The following ARHGAP28 variants were observed in gnomAD, a reference collection of about 807,000 sequenced individuals.
ARHGAP28 encodes Rho GTPase activating protein 28.
In ARHGAP28, 56 loss-of-function variants were observed where a neutral mutation model predicts 90.7. The ratio of observed to expected loss-of-function variants is 0.62; its 90% CI spans 0.50 to 0.77. The LOEUF is 0.77. ARHGAP28 is among the 30% of genes least tolerant of loss of function. ARHGAP28 has a pLI of 0.00. For synonymous variants in ARHGAP28, 308 were observed against 323.3 expected, an observed-to-expected ratio of 0.95 and a Z score of 0.51; for missense variants, 869 against 900.9, an observed-to-expected ratio of 0.96 and a Z score of 0.45.
At chr18:6,801,701 G>C (rs2056483262) in intron 1 of ARHGAP28, among the ~76,000 whole-genome samples, 1 of 152,008 alleles carries the variant, frequency 6.6e-6, no homozygotes, top group African/African-American at 2.4e-5. Flanking sequence ...AATTTGTAAA[G>C]ATCAAGTCAG....
chr18:6,751,873 A>G (rs1199711053), intron 1 of ARHGAP28, among the ~76,000 whole-genome samples: 1 of 152,224 alleles, frequency 6.6e-6, no homozygotes, highest in African/African-American at 2.4e-5. Context: ...GGTTATAAAC[A>G]TAATTGGTGA....
chr18:6,821,003 A>G (rs2056623148), intron 1 of ARHGAP28, among the ~76,000 whole-genome samples: 1 of 152,202 alleles, frequency 6.6e-6, no homozygotes, highest in African/African-American at 2.4e-5. Context: ...AAGACCATGT[A>G]TTTAGTTTTT....
intron 1 of ARHGAP28, among the ~76,000 whole-genome samples, chr18:6,792,682 A>G (rs2056414850): frequency 6.6e-6 from 1 of 152,232 alleles, no homozygotes; most frequent in African/African-American, 2.4e-5. Flanking sequence ...TGGCTAAGCA[A>G]GAAATCGGGG....
chr18:6,883,604 A>T (rs1022152575), intron 11 of ARHGAP28, among the ~76,000 whole-genome samples: 25 of 152,318 alleles, frequency 1.6e-4, no homozygotes, highest in Admixed American at 1.1e-3. Context: ...CTGCCATTGT[A>T]CAACCTTCTC....
At position 6,761,075 on chromosome 18, in the gene ARHGAP28, A is replaced by G. The variant is rs530093739; in HGVS notation, c.122+31132A>G. Among the ~76,000 whole-genome samples, 5 of 152,106 alleles carry G rather than the reference A, an allele frequency of 3.3e-5. 1 individual carries two copies. The South Asian group carries it at 1.0e-3, about 32-fold the overall frequency. On this transcript the variant is annotated intron_variant, in intron 1 of 17. Coordinates refer to ENST00000383472, the MANE Select transcript of ARHGAP28 (RefSeq NM_001366230.1). ...ACATACACAAAACAGCATATATATT[A>G]TACGATTCCCTTTATATATTGTACA...
At chr18:6,904,923 A>G (rs976684582) in intron 16 of ARHGAP28, among the ~76,000 whole-genome samples, 9 of 152,198 alleles carry the variant, frequency 5.9e-5, no homozygotes, top group Non-Finnish European at 1.3e-4. Context: ...AATTGAATCT[A>G]TAATATTAAA....
In ARHGAP28 at chr18:6,795,482, G is replaced by A. The variant is rs1248830763; in HGVS notation, c.123-29280G>A. On this transcript the variant is annotated intron_variant, in intron 1 of 17. Coordinates refer to ENST00000383472, the MANE Select transcript of ARHGAP28 (RefSeq NM_001366230.1). ...ACACATTCTTTTGCTCTAGACCAGG[G>A]ATTGGCAAACTTTTTCTGTAAAAGA... Among the ~76,000 whole-genome samples, 4 of 152,178 alleles carry A rather than the reference G, an allele frequency of 2.6e-5. No individual in the cohort carries two copies. The East Asian group carries it at 7.7e-4, about 29-fold the overall frequency.
chr18:6,812,180 ATATTC>A (rs1271105996), intron 1 of ARHGAP28, among the ~76,000 whole-genome samples: 2 of 152,182 alleles, frequency 1.3e-5, no homozygotes, highest in African/African-American at 4.8e-5. Context: ...TGAAATATAG[ATATTC>A]TGGTAAGCAG....
At chr18:6,902,354 T>A (rs2057342655) in intron 16 of ARHGAP28, among the ~76,000 whole-genome samples, 1 of 152,200 alleles carries the variant, frequency 6.6e-6, no homozygotes, top group Admixed American at 6.5e-5. Context: ...GATCTGCCTA[T>A]ACCATTGTCA....
At chr18:6,864,484 ATGT>A (rs1413867237) in intron 5 of ARHGAP28, among the ~76,000 whole-genome samples, 1 of 152,176 alleles carries the variant, frequency 6.6e-6, no homozygotes, top group Non-Finnish European at 1.5e-5. Context: ...ATTACAAGGT[ATGT>A]TGTTATAAAT....
At chr18:6,877,435 C>T (rs1046768456) in intron 10 of ARHGAP28, among the ~76,000 whole-genome samples, 2 of 152,214 alleles carry the variant, frequency 1.3e-5, no homozygotes, top group Non-Finnish European at 2.9e-5. Context: ...GGTACCCATG[C>T]CTCACCCCGT....
chr18:6,803,464 T>G (rs1209437230), intron 1 of ARHGAP28, among the ~76,000 whole-genome samples: 1 of 152,126 alleles, frequency 6.6e-6, no homozygotes, highest in Admixed American at 6.6e-5. Flanking sequence ...ATTTTTTATA[T>G]AGAGTAGATT....
At chr18:6,842,029 G>T (rs1415970844) in intron 3 of ARHGAP28, among the ~76,000 whole-genome samples, 1 of 152,028 alleles carries the variant, frequency 6.6e-6, no homozygotes. Context: ...TTTGGCCATG[G>T]CTGTTTTAAC....
At chr18:6,821,471 G>A (rs2056626454) in intron 1 of ARHGAP28, among the ~76,000 whole-genome samples, 1 of 152,320 alleles carries the variant, frequency 6.6e-6, no homozygotes, top group South Asian at 2.1e-4. Context: ...ATATGGTGAG[G>A]TATGAAGCTG....
intron 3 of ARHGAP28, among the ~76,000 whole-genome samples, chr18:6,844,025 C>T (rs12608382): frequency 0.11 from 16,521 of 152,168 alleles, 1,307 homozygotes; most frequent in East Asian, 0.31. Context: ...CATTTTCCAA[C>T]ATTCATAAGA....
intron 2 of ARHGAP28, among the ~76,000 whole-genome samples, chr18:6,826,693 T>TC (rs1567960470): frequency 1.3e-5 from 2 of 148,618 alleles, no homozygotes; most frequent in Admixed American, 1.3e-4. Flanking sequence ...CTTTTTTTTT[T>TC]TTTTTTTTTT....
At chr18:6,841,374 T>C (rs1325102920) in intron 3 of ARHGAP28, among the ~76,000 whole-genome samples, 3 of 151,808 alleles carry the variant, frequency 2.0e-5, no homozygotes, top group Non-Finnish European at 4.4e-5. Context: ...TGAAGTCTTA[T>C]AATCAGTTTC....
At chr18:6,868,288 G>A in intron 6 of ARHGAP28, 54 bp downstream of exon 6, 1 of 1,478,034 alleles carries the variant, frequency 6.8e-7, no homozygotes, top group Admixed American at 1.7e-5. Context: ...CTTTTGTTCT[G>A]GCACTCAATA....
chr18:6,760,325 A>G (rs2056148942), intron 1 of ARHGAP28, among the ~76,000 whole-genome samples: 1 of 152,208 alleles, frequency 6.6e-6, no homozygotes, highest in Non-Finnish European at 1.5e-5. Flanking sequence ...CTCAAAGTCA[A>G]GATCCTCTTA....
Sources: gnomAD v4.1 joint callset for allele counts (sites outside exome capture counted in the v4.1 genomes callset) on GRCh38, gnomAD v4.1.1 for gene constraint, MANE v1.5 for transcripts, NCBI Gene and HGNC (gene_info 2026-07-23, HGNC 2026-07-21) for gene names.